The following CSMD3 variants were observed in gnomAD, a reference collection of about 807,000 sequenced individuals.
CSMD3 encodes CUB and sushi domain-containing protein 3.
In CSMD3, 177 loss-of-function variants were observed where a neutral mutation model predicts 435.2. The ratio of observed to expected loss-of-function variants is 0.41; its 90% confidence interval spans 0.36 to 0.46. The LOEUF (loss-of-function observed/expected upper bound fraction) is 0.46, where lower values mean the gene tolerates loss of function less well. CSMD3 is among the 20% of genes least tolerant of loss of function. The pLI is 0.34. For missense variants in CSMD3, 4,265 were observed against 4,504.6 expected, an observed-to-expected ratio of 0.95 and a Z score of 1.52; for synonymous variants, 1,656 against 1,520.5, an observed-to-expected ratio of 1.09 and a Z score of -2.07.
intron 4 of CSMD3, among the ~76,000 whole-genome samples, chr8:113,109,162 A>G (rs1761609383): frequency 6.6e-6 from 1 of 152,258 alleles, no homozygotes; most frequent in South Asian, 2.1e-4. Flanking sequence ...TTGATTTATG[A>G]CAACAGCAAC....
chr8:112,386,077 A>G (rs1306068243), intron 36 of CSMD3, among the ~76,000 whole-genome samples: 1 of 152,210 alleles, frequency 6.6e-6, no homozygotes. Flanking sequence ...TGATGTGGCC[A>G]GAATCCAAAT....
intron 57 of CSMD3, among the ~76,000 whole-genome samples, chr8:112,288,614 G>A (rs948597998): frequency 9.2e-5 from 14 of 151,538 alleles, no homozygotes; most frequent in Non-Finnish European, 4.4e-5. Flanking sequence ...TAAAGAAAAA[G>A]CAGAAAAATA....
At chr8:113,023,307 A>G (rs2086751264) in intron 5 of CSMD3, among the ~76,000 whole-genome samples, 1 of 152,010 alleles carries the variant, frequency 6.6e-6, no homozygotes. Flanking sequence ...GTGGAGTCAA[A>G]TCTTAAACTC....
intron 1 of CSMD3, among the ~76,000 whole-genome samples, chr8:113,373,375 C>T (rs2094359006): frequency 6.6e-6 from 1 of 151,998 alleles, no homozygotes; most frequent in Non-Finnish European, 1.5e-5. Flanking sequence ...ACACACAAAG[C>T]CTTTTTTATT....
In CSMD3 at chr8:112,508,847, C is replaced by T. The variant is rs148889625; in HGVS notation, c.4757-2018G>A. ...TTTTTGAAGGGGACATCTACTCTCA[C>T]TGTCTCTTTCTGCACCCCTGTGCTG... On this transcript the variant is annotated intron_variant, in intron 28 of 70. Transcript: ENST00000297405. Among the ~76,000 whole-genome samples the T allele has an allele frequency of 3.5e-3, 539 of 152,160 alleles. 1 individual carries two copies. Among genetic ancestry groups the T allele is most frequent in the African/African-American group, 0.012 (516 of 41,532 alleles).
chr8:113,317,161 T>C (rs1056214130), intron 1 of CSMD3, among the ~76,000 whole-genome samples: 8 of 152,166 alleles, frequency 5.3e-5, no homozygotes, highest in African/African-American at 1.9e-4. Flanking sequence ...AAAAGTCAAA[T>C]AGGGCATTTT....
chr8:113,048,435 A>G (rs1392754259), intron 5 of CSMD3, among the ~76,000 whole-genome samples: 1 of 152,190 alleles, frequency 6.6e-6, no homozygotes, highest in Non-Finnish European at 1.5e-5. Context: ...CAATAAAGTG[A>G]ATACAAACAG....
intron 3 of CSMD3, among the ~76,000 whole-genome samples, chr8:113,221,272 A>G (rs1182588855): frequency 6.6e-6 from 1 of 151,242 alleles, no homozygotes; most frequent in Non-Finnish European, 1.5e-5. Flanking sequence ...AAGAAAATTC[A>G]TCTTGAAGAA....
intron 13 of CSMD3, among the ~76,000 whole-genome samples, chr8:112,783,437 G>GGAAGGAA (rs2078449057): frequency 1.1e-5 from 1 of 87,740 alleles, no homozygotes; most frequent in Non-Finnish European, 2.3e-5. Context: ...AAGGAAGGAA[G>GGAAGGAA]GAAGGAAGGA....
chr8:113,239,328 A>C (rs1022918516), intron 3 of CSMD3, among the ~76,000 whole-genome samples: 2 of 152,236 alleles, frequency 1.3e-5, no homozygotes, highest in Non-Finnish European at 2.9e-5. Context: ...TAAATATATA[A>C]TGTATGCCTA....
rs7830275 is a variant in CSMD3, at chr8:113,265,812, T to A, written c.514+12780A>T. 9.1e-3 allele frequency among the ~76,000 whole-genome samples: 1,377 copies of A among 151,240 alleles called. 14 individuals carry two copies. Among genetic ancestry groups the A allele is most frequent in the African/African-American group, 0.032 (1,326 of 41,072 alleles). ...TCACTTGTGGATTAGGGTGTTTCCA[T>A]GACTAACTAGGTTGACTTTATGGGC... On this transcript the variant is annotated intron_variant, in intron 3 of 70. Coordinates refer to ENST00000297405, the MANE Select transcript of CSMD3 (RefSeq NM_198123.2).
intron 2 of CSMD3, chr8:113,310,839 A>T (rs1009702424): frequency 2.0e-5 from 3 of 151,920 alleles, no homozygotes; most frequent in African/African-American, 7.2e-5. Context: ...AATTAATTAT[A>T]AAAGAAAAAA....
At chr8:113,218,826 C>T (rs1037434167) in intron 3 of CSMD3, among the ~76,000 whole-genome samples, 22 of 151,204 alleles carry the variant, frequency 1.5e-4, no homozygotes, top group African/African-American at 5.1e-4. Context: ...GATTTGGAAA[C>T]ATTTGCATAT....
At chr8:112,864,547 G>A (rs186463090) in intron 10 of CSMD3, among the ~76,000 whole-genome samples, 4 of 152,116 alleles carry the variant, frequency 2.6e-5, no homozygotes, top group Middle Eastern at 3.4e-3. Context: ...CACCGTGCCC[G>A]GCTGTATAGG....
chr8:112,828,637 A>T (rs2132471736), intron 12 of CSMD3, among the ~76,000 whole-genome samples: 1 of 152,316 alleles, frequency 6.6e-6, no homozygotes, highest in East Asian at 1.9e-4. Flanking sequence ...ATCCAGTCTC[A>T]GGTAGTTCTT....
chr8:113,006,391 A>C (rs568607569), intron 6 of CSMD3, among the ~76,000 whole-genome samples: 1 of 152,154 alleles, frequency 6.6e-6, no homozygotes, highest in African/African-American at 2.4e-5. Context: ...GAGCCCTTGT[A>C]GATTGGTGAG....
chr8:112,887,581 C>T (rs2081643416), intron 10 of CSMD3, among the ~76,000 whole-genome samples: 1 of 151,104 alleles, frequency 6.6e-6, no homozygotes, highest in Non-Finnish European at 1.5e-5. Flanking sequence ...ATTCCCTGGT[C>T]CTTTAAGAGC....
chr8:112,660,736 A>G (rs753763338), intron 17 of CSMD3, among the ~76,000 whole-genome samples: 1 of 152,238 alleles, frequency 6.6e-6, no homozygotes, highest in Non-Finnish European at 1.5e-5. Flanking sequence ...CAAAGGAAAT[A>G]TGTGATATAA....
At chr8:112,863,764 A>G (rs2129933654) in intron 10 of CSMD3, among the ~76,000 whole-genome samples, 1 of 152,290 alleles carries the variant, frequency 6.6e-6, no homozygotes, top group African/African-American at 2.4e-5. Context: ...GAAATAAATA[A>G]ACGTGATTAC....
Sources: allele counts gnomAD v4.1 joint callset (sites outside exome capture counted in the v4.1 genomes callset), GRCh38; gene constraint gnomAD v4.1.1; transcripts MANE v1.5; gene names NCBI Gene and HGNC (gene_info 2026-07-23, HGNC 2026-07-21).